Variants in SOX13 observed in about 807,000 individuals in gnomAD.
SOX13 encodes the protein transcription factor SOX-13.
A neutral mutation model predicts 71.8 loss-of-function variants in SOX13; 28 were observed. The observed-to-expected ratio is 0.39, with a 90% CI of 0.29 to 0.53. The LOEUF (loss-of-function observed/expected upper bound fraction) is 0.53, where lower values mean the gene tolerates loss of function less well. SOX13 is among the 20% of genes least tolerant of loss of function. The probability of loss-of-function intolerance (pLI) is 0.70; values close to 1 mark genes in which losing one functional copy is unlikely to be tolerated. For synonymous variants in SOX13, 309 were observed against 317.8 expected, an observed-to-expected ratio of 0.97 and a Z score of 0.29; for missense variants, 627 against 810.3, an observed-to-expected ratio of 0.77 and a Z score of 2.75.
chr1:204,090,412 T>C (rs928890184), intron 1 of SOX13, among the ~76,000 whole-genome samples: 69 of 149,530 alleles, frequency 4.6e-4, no homozygotes, highest in African/African-American at 1.4e-3. Context: ...CTTCTTCTTT[T>C]TTTTTTTTTT....
At chr1:204,098,867 A>C (rs1243568586) in intron 1 of SOX13, among the ~76,000 whole-genome samples, 1 of 152,250 alleles carries the variant, frequency 6.6e-6, no homozygotes, top group Non-Finnish European at 1.5e-5. Context: ...CAAGTGGCGC[A>C]GGCAGGCTCC....
intron 7 of SOX13, 35 bp downstream of exon 7, chr1:204,117,742 C>A (rs1355440292): frequency 6.8e-7 from 1 of 1,460,706 alleles, no homozygotes; most frequent in East Asian, 2.3e-5. Context: ...CCACTGCGGC[C>A]AGCCTGTCCT....
intron 2 of SOX13, 82 bp downstream of exon 2, chr1:204,113,216 C>A (rs1656623647): frequency 8.6e-7 from 1 of 1,160,614 alleles, no homozygotes; most frequent in South Asian, 1.6e-5. Flanking sequence ...GCCCACTCCC[C>A]TAGATGGCAG....
Position 204,126,185 on chromosome 1 carries a change from A to C in SOX13, c.*51A>C, listed in dbSNP as rs1656919943. The stretch of plus-strand genomic sequence containing the variant: ...TCTCCTCTGGGGAAGACCTTGTCCC[A>C]ACTCGATGGGCACAGCCAGCCAACC... On this transcript the variant is annotated 3_prime_UTR_variant, in exon 14 of 14. Transcript: ENST00000367204. The C allele has an allele frequency of 1.3e-6, 2 of 1,578,540 alleles. No individual in the cohort carries two copies. The highest frequency in any genetic ancestry group is 3.4e-5 in the Admixed American group (2 of 58,120).
At chr1:204,121,420 C>T (rs952644019) in intron 7 of SOX13, among the ~76,000 whole-genome samples, 1 of 152,200 alleles carries the variant, frequency 6.6e-6, no homozygotes, top group African/African-American at 2.4e-5. Context: ...CCCCATTTGA[C>T]TTCTAAGGTT....
In SOX13 at chr1:204,115,657, C is replaced by CTTTTTTT. The variant is rs771014997; in HGVS notation, c.419-831_419-825dup. Among the ~76,000 whole-genome samples, 75 of 57,420 alleles carry CTTTTTTT rather than the reference C, an allele frequency of 1.3e-3. 1 individual carries two copies. Among genetic ancestry groups the CTTTTTTT allele is most frequent in the South Asian group, 1.6e-3 (2 of 1,290 alleles). The allele number at this position is 57,420 out of a possible 152,430, so 37.7% of individuals were successfully genotyped here. ...TTTGCATATATTAGCGCTTCTTCTT[C>CTTTTTTT]TTTTTTTTTTTTTTTTTTTTTTTTT... On this transcript the variant is annotated intron_variant, in intron 4 of 13. Coordinates refer to ENST00000367204, the MANE Select transcript of SOX13 (RefSeq NM_005686.3).
At chr1:204,091,972 T>C (rs1297776704) in intron 1 of SOX13, among the ~76,000 whole-genome samples, 3 of 152,236 alleles carry the variant, frequency 2.0e-5, no homozygotes, top group Non-Finnish European at 4.4e-5. Context: ...GTTCTCTGTC[T>C]GCCTTTCTGT....
At chr1:204,075,843 A>G (rs915214284) in intron 1 of SOX13, among the ~76,000 whole-genome samples, 1 of 152,210 alleles carries the variant, frequency 6.6e-6, no homozygotes, top group South Asian at 2.1e-4. Flanking sequence ...CTGGCACATA[A>G]TAAGTGCTAG....
chr1:204,090,733 G>A (rs1656124754), intron 1 of SOX13, among the ~76,000 whole-genome samples: 1 of 152,166 alleles, frequency 6.6e-6, no homozygotes, highest in African/African-American at 2.4e-5. Context: ...CTTGCCAAAG[G>A]CTCAGGAAAG....
chr1:204,123,098 C>T lies in SOX13; in HGVS notation c.1135-14C>T, dbSNP rs1321890507. 6.2e-7 allele frequency: 1 copy of T among 1,609,750 alleles called. No individual in the cohort carries two copies. The highest frequency in any genetic ancestry group is 2.2e-5 in the East Asian group (1 of 44,848). ...GCAGAGGAGGCTGATGTCAGGTTGC[C>T]CCTGTCAACCTAGGACCTCATCAGC... On this transcript the variant is annotated splice_polypyrimidine_tract_variant and intron_variant, in intron 10 of 13. Transcript: ENST00000367204. This position sits in a 1 kb window ranked among gnomAD's most constrained non-coding sequence, Gnocchi z 5.0.
intron 1 of SOX13, among the ~76,000 whole-genome samples, chr1:204,095,907 G>A (rs563250021): frequency 6.6e-6 from 1 of 152,226 alleles, no homozygotes; most frequent in South Asian, 2.1e-4. Context: ...CCTCACATAA[G>A]TAGACACATA....
intron 1 of SOX13, among the ~76,000 whole-genome samples, chr1:204,110,423 C>T (rs1554677): frequency 0.31 from 46,663 of 151,312 alleles, 8,631 homozygotes; most frequent in South Asian, 0.46. Context: ...GCCTTAGCCT[C>T]TCAAAGTGTT....
chr1:204,121,756 T>C (rs1314605642), intron 7 of SOX13, 144 bp from the exon 8 acceptor site: 1 of 705,126 alleles, frequency 1.4e-6, no homozygotes, highest in African/African-American at 1.7e-5. Flanking sequence ...AAGCAGTGCT[T>C]TGGGGCTGGG....
intron 6 of SOX13, 122 bp downstream of exon 6, chr1:204,117,312 C>T: frequency 1.2e-6 from 1 of 865,880 alleles, no homozygotes; most frequent in Non-Finnish European, 1.9e-6. Flanking sequence ...ATCACTCAGG[C>T]CTGACCTGAG....
chr1:204,082,633 G>A (rs75221849), intron 1 of SOX13, among the ~76,000 whole-genome samples: 2,851 of 152,254 alleles, frequency 0.019, 92 homozygotes, highest in African/African-American at 0.065. Flanking sequence ...GAAGAGAAAG[G>A]AGAGGTAGAG....
chr1:204,115,106 C>T (rs1656661721), intron 4 of SOX13, among the ~76,000 whole-genome samples: 1 of 151,632 alleles, frequency 6.6e-6, no homozygotes, highest in South Asian at 2.1e-4. Flanking sequence ...CAACCTCCTG[C>T]ATGATCCTCC....
intron 7 of SOX13, chr1:204,118,501 C>G (rs1378832245): frequency 6.6e-6 from 1 of 152,066 alleles, no homozygotes; most frequent in African/African-American, 2.4e-5. Flanking sequence ...GCTGGAATTG[C>G]AGGTGCACAC....
At chr1:204,117,314 T>A in intron 6 of SOX13, 124 bp downstream of exon 6, 1 of 846,182 alleles carries the variant, frequency 1.2e-6, no homozygotes, top group Non-Finnish European at 2.0e-6. Context: ...CACTCAGGCC[T>A]GACCTGAGGA....
chr1:204,088,000 G>T (rs559110272), intron 1 of SOX13, among the ~76,000 whole-genome samples: 1 of 152,330 alleles, frequency 6.6e-6, no homozygotes, highest in Admixed American at 6.5e-5. Flanking sequence ...ACAAGTGACA[G>T]CCCACACTGG....
Sources: allele counts gnomAD v4.1 joint callset (sites outside exome capture counted in the v4.1 genomes callset), GRCh38; gene constraint gnomAD v4.1.1; non-coding constraint Gnocchi (gnomAD v3.1); transcripts MANE v1.5; gene names NCBI Gene and HGNC (gene_info 2026-07-23, HGNC 2026-07-21).